The following POU6F2 variants were observed in gnomAD, a reference collection of about 807,000 sequenced individuals.
The protein encoded by POU6F2 is POU domain, class 6, transcription factor 2.
Under a neutral mutation model 71.3 loss-of-function variants are expected in POU6F2, and 31 were observed. The observed-to-expected ratio is 0.43, with a 90% confidence interval of 0.33 to 0.59. The LOEUF is 0.59. Among genes scored for constraint, POU6F2 ranks in the 20% least tolerant of loss-of-function variants. The pLI is 0.04. For synonymous variants in POU6F2, 347 were observed against 355.7 expected, an observed-to-expected ratio of 0.98 and a Z score of 0.27; for missense variants, 783 against 856.8, an observed-to-expected ratio of 0.91 and a Z score of 1.07.
chr7:39,178,495 A>G (rs1486121646), intron 2 of POU6F2, among the ~76,000 whole-genome samples: 1 of 152,206 alleles, frequency 6.6e-6, no homozygotes, highest in Non-Finnish European at 1.5e-5. Context: ...AACATTAAAT[A>G]TGCTTTTAAA....
At chr7:39,176,369 A>G in intron 2 of POU6F2, among the ~76,000 whole-genome samples, 1 of 152,214 alleles carries the variant, frequency 6.6e-6, no homozygotes, top group East Asian at 1.9e-4. Context: ...TGTTAATTTT[A>G]TCTTTAATGC....
At chr7:39,302,326 C>T (rs1784963038) in intron 4 of POU6F2, among the ~76,000 whole-genome samples, 3 of 152,162 alleles carry the variant, frequency 2.0e-5, no homozygotes, top group African/African-American at 7.2e-5. Context: ...ACCAAAAATG[C>T]ACTGTTGGGG....
intron 4 of POU6F2, among the ~76,000 whole-genome samples, chr7:39,246,462 A>G (rs932432627): frequency 6.6e-6 from 1 of 152,176 alleles, no homozygotes; most frequent in African/African-American, 2.4e-5. Flanking sequence ...CTTTTAAGGA[A>G]CATTAGTGGA....
intron 1 of POU6F2, among the ~76,000 whole-genome samples, chr7:39,069,371 C>A (rs1790826643): frequency 6.6e-6 from 1 of 152,158 alleles, no homozygotes; most frequent in Non-Finnish European, 1.5e-5. Context: ...CGGGCTGATG[C>A]CCAGGCTGTG....
intron 4 of POU6F2, among the ~76,000 whole-genome samples, chr7:39,292,922 AGAG>A (rs1784788193): frequency 1.3e-5 from 2 of 152,204 alleles, no homozygotes; most frequent in South Asian, 4.1e-4. Flanking sequence ...AGAAAACATC[AGAG>A]TAGGCTGTGC....
intron 2 of POU6F2, among the ~76,000 whole-genome samples, chr7:39,179,993 T>C (rs1465594697): frequency 6.6e-6 from 1 of 152,266 alleles, no homozygotes; most frequent in East Asian, 1.9e-4. Context: ...AAATTAAAAG[T>C]GCTGCCCAAT....
chr7:39,024,149 C>A (rs1033377070), intron 1 of POU6F2, among the ~76,000 whole-genome samples: 3 of 152,128 alleles, frequency 2.0e-5, no homozygotes, highest in Admixed American at 2.0e-4. Context: ...ATGGAATGTT[C>A]CTCCATTTGT....
chr7:39,240,800 C>T (rs1243000844), intron 4 of POU6F2, among the ~76,000 whole-genome samples: 1 of 151,946 alleles, frequency 6.6e-6, no homozygotes, highest in South Asian at 2.1e-4. Flanking sequence ...ATGACTCTTG[C>T]GAGTAAAAGA....
chr7:39,000,279 T>G (rs1247961567), intron 1 of POU6F2, among the ~76,000 whole-genome samples: 1 of 152,320 alleles, frequency 6.6e-6, no homozygotes, highest in Admixed American at 6.5e-5. Flanking sequence ...GATATACTCT[T>G]GGGAAAATCC....
intron 2 of POU6F2, among the ~76,000 whole-genome samples, chr7:39,162,707 T>A (rs1793022171): frequency 6.6e-6 from 1 of 152,190 alleles, no homozygotes; most frequent in Non-Finnish European, 1.5e-5. Context: ...ATAAACAAAG[T>A]TAAACACTCT....
At chr7:39,090,417 T>G (rs1366032094) in intron 2 of POU6F2, among the ~76,000 whole-genome samples, 1 of 151,990 alleles carries the variant, frequency 6.6e-6, no homozygotes, top group Non-Finnish European at 1.5e-5. Flanking sequence ...AGCGTGGAGG[T>G]CATTGCAGGG....
chr7:39,068,339 A>G (rs1790803126), intron 1 of POU6F2, among the ~76,000 whole-genome samples: 1 of 152,158 alleles, frequency 6.6e-6, no homozygotes, highest in South Asian at 2.1e-4. Context: ...ACCACTGTCC[A>G]AGACCTAGTT....
At chr7:39,421,137 G>A (rs1787840660) in intron 6 of POU6F2, among the ~76,000 whole-genome samples, 1 of 152,036 alleles carries the variant, frequency 6.6e-6, no homozygotes, top group Non-Finnish European at 1.5e-5. Context: ...TGAAAATGGG[G>A]ATGCAATTTT....
intron 1 of POU6F2, among the ~76,000 whole-genome samples, chr7:39,052,768 A>C (rs954559752): frequency 3.3e-5 from 5 of 152,178 alleles, no homozygotes; most frequent in Non-Finnish European, 7.3e-5. Context: ...CATTCACGGA[A>C]GCATTCAGAT....
At chr7:39,060,460 A>G (rs1252566286) in intron 1 of POU6F2, among the ~76,000 whole-genome samples, 2 of 152,224 alleles carry the variant, frequency 1.3e-5, no homozygotes, top group Admixed American at 1.3e-4. Flanking sequence ...GAATTTTGTG[A>G]TGTAGTTAAA....
In POU6F2 at chr7:39,460,306, T is replaced by C. The variant is rs1431124582; in HGVS notation, c.1490-241T>C. On this transcript the variant is annotated intron_variant, in intron 8 of 9. Coordinates refer to ENST00000518318, the MANE Select transcript of POU6F2 (RefSeq NM_001370959.1). This position sits in a 1 kb window ranked among gnomAD's most constrained non-coding sequence, Gnocchi z 4.4. ...TGCTCTGGCATTGGGGAAGTGGCAG[T>C]GTGAACAAGCTGTGGTTTTATCTGG... 6.6e-6 allele frequency among the ~76,000 whole-genome samples: 1 copy of C among 152,160 alleles called. No individual in the cohort carries two copies. Among genetic ancestry groups the C allele is most frequent in the East Asian group, 1.9e-4 (1 of 5,196 alleles).
At chr7:39,068,050 A>AT (rs1790796814) in intron 1 of POU6F2, among the ~76,000 whole-genome samples, 1 of 152,252 alleles carries the variant, frequency 6.6e-6, no homozygotes, top group South Asian at 2.1e-4. Flanking sequence ...TCAAAATTTT[A>AT]TTTTTTGTGT....
intron 2 of POU6F2, among the ~76,000 whole-genome samples, chr7:39,186,114 C>T (rs1002420464): frequency 3.3e-5 from 5 of 151,982 alleles, no homozygotes; most frequent in South Asian, 2.1e-4. Flanking sequence ...TTGCAAAATA[C>T]GTTCCACCTG....
At chr7:39,257,154 G>A (rs1443461140) in intron 4 of POU6F2, among the ~76,000 whole-genome samples, 1 of 152,118 alleles carries the variant, frequency 6.6e-6, no homozygotes, top group Non-Finnish European at 1.5e-5. Context: ...TTATATTTTG[G>A]GAAATAGTGC....
Sources: gnomAD v4.1 joint callset for allele counts (sites outside exome capture counted in the v4.1 genomes callset) on GRCh38, gnomAD v4.1.1 for gene constraint, Gnocchi (gnomAD v3.1) non-coding constraint, MANE v1.5 for transcripts, NCBI Gene and HGNC (gene_info 2026-07-23, HGNC 2026-07-21) for gene names.